TLN2: variants seen among roughly 807,000 people sequenced by gnomAD.
TLN2 encodes talin-2.
In TLN2, 118 loss-of-function variants were observed where a neutral mutation model predicts 294.7. The observed-to-expected ratio is 0.40, with a 90% CI of 0.34 to 0.47. The LOEUF (loss-of-function observed/expected upper bound fraction) is 0.47, where lower values mean the gene tolerates loss of function less well. Ranked by LOEUF, TLN2 falls within the 20% of genes least tolerant of loss-of-function variation. The probability of loss-of-function intolerance (pLI) is 0.84; values close to 1 mark genes in which losing one functional copy is unlikely to be tolerated. For missense variants in TLN2, 3,083 were observed against 3,282.2 expected (o/e 0.94, Z 1.48); for synonymous variants, 1,431 against 1,304.5 (o/e 1.10, Z -2.09).
intron 3 of TLN2, among the ~76,000 whole-genome samples, chr15:62,627,362 GCTGT>G (rs893289118): frequency 1.3e-5 from 2 of 152,172 alleles, no homozygotes; most frequent in African/African-American, 4.8e-5. Flanking sequence ...TTTCTGTCTT[GCTGT>G]CTTTGTTGCT....
At chr15:62,627,951 T>A (rs1023458848) in intron 3 of TLN2, among the ~76,000 whole-genome samples, 1 of 152,206 alleles carries the variant, frequency 6.6e-6, no homozygotes, top group Non-Finnish European at 1.5e-5. Context: ...AGATTCTAAT[T>A]ATGCTATGAA....
chr15:62,443,893 G>A (rs1003925620), intron 1 of TLN2, among the ~76,000 whole-genome samples: 14 of 152,164 alleles, frequency 9.2e-5, no homozygotes, highest in Admixed American at 3.9e-4. Flanking sequence ...TAGCTACTTG[G>A]GACGTTGAGG....
chr15:62,740,771 T>A lies in TLN2; in HGVS notation c.4025+2T>A. ...AAATCTCCTGGCTGCAGCTGCAAGG[T>A]AGGAGTGGGACACAATGTGCTTTCG... On this transcript the variant is annotated splice_donor_variant, in intron 32 of 58. Coordinates refer to ENST00000636159, the MANE Select transcript of TLN2 (RefSeq NM_015059.3). LOFTEE classifies it high-confidence loss of function. 1 of 1,614,110 alleles carries A rather than the reference T, an allele frequency of 6.2e-7. No homozygotes were observed.
At chr15:62,671,937 C>G (rs1323687151) in intron 9 of TLN2, among the ~76,000 whole-genome samples, 1 of 151,992 alleles carries the variant, frequency 6.6e-6, no homozygotes, top group Non-Finnish European at 1.5e-5. Flanking sequence ...TCTTTATTGC[C>G]AAGAATACTT....
intron 45 of TLN2, among the ~76,000 whole-genome samples, chr15:62,785,226 A>G (rs375188463): frequency 6.6e-6 from 1 of 152,158 alleles, no homozygotes; most frequent in African/African-American, 2.4e-5. Flanking sequence ...GATTCTTTAC[A>G]CAGGCCTATC....
At chr15:62,530,898 A>T (rs1337928783) in intron 1 of TLN2, among the ~76,000 whole-genome samples, 1 of 152,104 alleles carries the variant, frequency 6.6e-6, no homozygotes, top group African/African-American at 2.4e-5. Flanking sequence ...AATTATTCAT[A>T]CTTCTGTGCC....
At chr15:62,509,524 C>T (rs781206574) in intron 1 of TLN2, among the ~76,000 whole-genome samples, 34 of 152,196 alleles carry the variant, frequency 2.2e-4, no homozygotes, top group Non-Finnish European at 3.4e-4. Context: ...GCAGCCCAGC[C>T]TTGAGATTGA....
In TLN2 at chr15:62,836,074, G is replaced by A. The variant is rs545620468; in HGVS notation, c.7374+1G>A. The A allele has an allele frequency of 1.2e-6, 2 of 1,607,098 alleles. No individual in the cohort carries two copies. The highest frequency in any genetic ancestry group is 1.7e-5 in the Admixed American group (1 of 59,184). On this transcript the variant is annotated splice_donor_variant, in intron 57 of 58. Transcript: ENST00000636159. LOFTEE classifies it high-confidence loss of function. Reference sequence around the variant, plus strand: ...TTCAGAGGCCATGAGGCGGCTACAGGTAATGGTCACTGATGCTGGTGGGAA... The same window carrying A: ...TTCAGAGGCCATGAGGCGGCTACAGATAATGGTCACTGATGCTGGTGGGAA...
At position 62,711,931 on chromosome 15, in the gene TLN2, C is replaced by T. The variant is rs568266946; in HGVS notation, c.2488C>T (p.Arg830Trp). ...TCTAGGTGAAATGGTGCGCCAGGCG[C>T]GGGTTCTGGCCCAAGCCACATCAGA... ...GDAGEMVRQA[R>W]VLAQATSDLV... Residue 830 changes from arginine to tryptophan, a missense_variant, in exon 22 of 59, where the codon CGG becomes TGG. Arg to Trp is a moderately radical substitution (Grantham distance 101). Coordinates refer to ENST00000636159, the MANE Select transcript of TLN2 (RefSeq NM_015059.3). 3 of 1,609,006 alleles carry T rather than the reference C, an allele frequency of 1.9e-6. No homozygotes were observed. Among genetic ancestry groups the T allele is most frequent in the South Asian group, 1.1e-5 (1 of 90,814 alleles).
At chr15:62,730,158 C>T (rs1285429655) in intron 28 of TLN2, among the ~76,000 whole-genome samples, 3 of 148,286 alleles carry the variant, frequency 2.0e-5, no homozygotes, top group Admixed American at 1.4e-4. Flanking sequence ...CCTCCTGCCT[C>T]AGCCTCCTAA....
intron 9 of TLN2, among the ~76,000 whole-genome samples, chr15:62,671,148 A>G (rs2055362737): frequency 6.6e-6 from 1 of 152,120 alleles, no homozygotes; most frequent in Non-Finnish European, 1.5e-5. Flanking sequence ...TTTCATTATC[A>G]GTTAAAGGTT....
chr15:62,481,799 T>TTTTC (rs1567015156), intron 1 of TLN2, among the ~76,000 whole-genome samples: 1 of 30,046 alleles, frequency 3.3e-5, no homozygotes, highest in African/African-American at 8.5e-5. Flanking sequence ...TCTTTCTTTC[T>TTTTC]TTTTTTTTTT....
chr15:62,752,124 T>A (rs1440433795), intron 34 of TLN2, among the ~76,000 whole-genome samples, 181 bp from the exon 35 acceptor site: 2 of 152,228 alleles, frequency 1.3e-5, no homozygotes, highest in Admixed American at 1.3e-4. Flanking sequence ...ATTGTACTTA[T>A]CTCTTTGTGG....
In TLN2 at chr15:62,595,245, C is replaced by G. The variant is rs141955225; in HGVS notation, c.-162+5483C>G. On this transcript the variant is annotated intron_variant, in intron 2 of 58. Transcript: ENST00000636159. ...AGACCAGCCTGGCCACATGGTGAAA[C>G]CCCGTCTCTACTGAAAATACAAAAA... 3.4e-3 allele frequency among the ~76,000 whole-genome samples: 519 copies of G among 152,062 alleles called. 2 individuals are homozygous for G. Among genetic ancestry groups the G allele is most frequent in the Admixed American group, 5.6e-3 (85 of 15,276 alleles).
At chr15:62,417,725 C>G (rs7171526) in intron 1 of TLN2, among the ~76,000 whole-genome samples, 18,083 of 152,254 alleles carry the variant, frequency 0.12, 1,148 homozygotes, top group Admixed American at 0.14. Flanking sequence ...ATTACGTACT[C>G]TACTTGACTC....
chr15:62,467,697 AGTGTG>A (rs2037222500), intron 1 of TLN2, among the ~76,000 whole-genome samples: 1 of 151,550 alleles, frequency 6.6e-6, no homozygotes, highest in African/African-American at 2.4e-5. Context: ...AAAAAAAATT[AGTGTG>A]AAAAAAAGCA....
chr15:62,556,358 G>C (rs1276626506), intron 1 of TLN2, among the ~76,000 whole-genome samples: 2 of 151,620 alleles, frequency 1.3e-5, no homozygotes, highest in African/African-American at 2.4e-5. Flanking sequence ...CCAGGCTGGA[G>C]TGCAGTGGCA....
At chr15:62,517,812 T>C (rs1409497792) in intron 1 of TLN2, among the ~76,000 whole-genome samples, 1 of 152,214 alleles carries the variant, frequency 6.6e-6, no homozygotes, top group African/African-American at 2.4e-5. Flanking sequence ...GTTTGTCTCT[T>C]TCTTTTTTTA....
At position 62,422,195 on chromosome 15, in the gene TLN2, G is replaced by A. The variant is rs543966240; in HGVS notation, c.-238+31510G>A. 3.5e-3 allele frequency among the ~76,000 whole-genome samples: 436 copies of A among 124,968 alleles called. 2 individuals carry two copies. The Middle Eastern group carries it at 0.036, about 10-fold the overall frequency. 82.0% of individuals were successfully genotyped at this position (124,968 alleles called of 152,430 possible). On this transcript the variant is annotated intron_variant, in intron 1 of 58. Transcript: ENST00000636159. Reference sequence around the variant, plus strand: ...GAATCAGCCATTGCACTCCAGCCTGGGCAACAAGAGCAAAACTCTGTCTCA... The same window carrying A: ...GAATCAGCCATTGCACTCCAGCCTGAGCAACAAGAGCAAAACTCTGTCTCA...
Sources: gnomAD v4.1 joint callset for allele counts (sites outside exome capture counted in the v4.1 genomes callset) on GRCh38, gnomAD v4.1.1 for gene constraint, MANE v1.5 for transcripts, NCBI Gene and HGNC (gene_info 2026-07-23, HGNC 2026-07-21) for gene names.